The following MAP1B variants were observed in gnomAD, a reference collection of about 807,000 sequenced individuals.
MAP1B encodes microtubule associated protein 1B.
Under a neutral mutation model 176.1 loss-of-function variants are expected in MAP1B, and 12 were observed. That is an observed-to-expected ratio of 0.07 (90% CI 0.04 to 0.11). MAP1B has a LOEUF of 0.11. MAP1B is among the 10% of genes least tolerant of loss of function. MAP1B has a pLI of 1.00. For synonymous variants in MAP1B, 1,044 were observed against 1,135.0 expected, an observed-to-expected ratio of 0.92 and a Z score of 1.61; for missense variants, 2,523 against 2,990.5, an observed-to-expected ratio of 0.84 and a Z score of 3.65.
chr5:72,149,525 A>G (rs1746104105), intron 2 of MAP1B, among the ~76,000 whole-genome samples: 1 of 152,246 alleles, frequency 6.6e-6, no homozygotes, highest in South Asian at 2.1e-4. Flanking sequence ...AAAGATCACT[A>G]GCTCATTAGT....
chr5:72,127,100 A>C (rs1745644298), intron 2 of MAP1B, among the ~76,000 whole-genome samples: 1 of 152,216 alleles, frequency 6.6e-6, no homozygotes, highest in Admixed American at 6.5e-5. Context: ...ATTGAACCTC[A>C]AGAGTTCTAG....
At chr5:72,191,825 G>A (rs1034741104) in intron 4 of MAP1B, among the ~76,000 whole-genome samples, 1 of 152,156 alleles carries the variant, frequency 6.6e-6, no homozygotes, top group Non-Finnish European at 1.5e-5. Context: ...TCAGAATTCT[G>A]TGCAATCTTG....
Position 72,107,493 on chromosome 5 carries a change from C to G in MAP1B, c.-39C>G, listed in dbSNP as rs879880167. The G allele has an allele frequency of 1.3e-6, 2 of 1,508,624 alleles. No homozygotes were observed. Among genetic ancestry groups the G allele is most frequent in the Middle Eastern group, 2.2e-4 (1 of 4,478 alleles). 93.5% of individuals were successfully genotyped at this position (1,508,624 alleles called of 1,614,324 possible). Reference sequence around the variant, plus strand: ...TCCTGCCGCAGTGGAGAGGAGCGGCCGGAGCGAGACACTTCGCCGAGGCAC... The same window carrying G: ...TCCTGCCGCAGTGGAGAGGAGCGGCGGGAGCGAGACACTTCGCCGAGGCAC... On this transcript the variant is annotated 5_prime_UTR_variant, in exon 1 of 7. Transcript: ENST00000296755.
intron 2 of MAP1B, among the ~76,000 whole-genome samples, chr5:72,166,702 TCGCC>T: frequency 6.6e-6 from 1 of 152,336 alleles, no homozygotes; most frequent in South Asian, 2.1e-4. Flanking sequence ...TTATGACTAT[TCGCC>T]GAGGATGTGT....
intron 2 of MAP1B, among the ~76,000 whole-genome samples, chr5:72,118,659 G>A (rs893541116): frequency 7.2e-5 from 11 of 152,106 alleles, no homozygotes; most frequent in Non-Finnish European, 1.6e-4. Flanking sequence ...TGTTGCCCAG[G>A]CTGGTCTTAA....
In MAP1B at chr5:72,186,633, A is replaced by G; in HGVS notation, c.389A>G (p.Asp130Gly). ...VSTEVRLMIT[D>G]AARHKLLVLT... is the part of the protein sequence containing the mutation. The stretch of plus-strand genomic sequence containing the variant: ...TTTCAGGTGCGCTTAATGATCACTG[A>G]TGCTGCCCGACACAAGCTGCTCGTG... Residue 130 changes from aspartate to glycine, a missense_variant, in exon 4 of 7, where the codon GAT (aspartate) becomes GGT (glycine). Physicochemically the swap from Asp to Gly is moderately conservative, Grantham distance 94. Around this residue, in one of 4 missense-constraint regions of MAP1B, gnomAD observed 307 missense variants for 438.4 expected, o/e 0.70. Transcript: ENST00000296755. The surrounding 1 kb of genome is among the most constrained non-coding windows in gnomAD (Gnocchi z 4.3). 6.2e-7 allele frequency: 1 copy of G among 1,614,174 alleles called. No homozygotes were observed. The highest frequency in any genetic ancestry group is 1.1e-5 in the South Asian group (1 of 91,082).
intron 2 of MAP1B, among the ~76,000 whole-genome samples, chr5:72,143,361 C>T (rs866477673): frequency 6.6e-6 from 1 of 152,104 alleles, no homozygotes; most frequent in African/African-American, 2.4e-5. Context: ...TGTTTAAGTA[C>T]CCTCAACAGA....
At chr5:72,158,423 G>A (rs1027146019) in intron 2 of MAP1B, among the ~76,000 whole-genome samples, 2 of 152,136 alleles carry the variant, frequency 1.3e-5, no homozygotes, top group Non-Finnish European at 2.9e-5. Flanking sequence ...TTCATACAAC[G>A]ATTTAGGTGA....
chr5:72,165,341 A>G (rs878944438), intron 2 of MAP1B, among the ~76,000 whole-genome samples: 3 of 152,372 alleles, frequency 2.0e-5, no homozygotes, highest in South Asian at 2.1e-4. Flanking sequence ...TTCCTAATAT[A>G]TATTTGTCAA....
At chr5:72,123,648 C>G (rs1408745414) in intron 2 of MAP1B, among the ~76,000 whole-genome samples, 1 of 152,118 alleles carries the variant, frequency 6.6e-6, no homozygotes, top group Non-Finnish European at 1.5e-5. Context: ...CGACGCCCGG[C>G]TAATTTTTTG....
chr5:72,150,696 G>A (rs757897357), intron 2 of MAP1B, among the ~76,000 whole-genome samples: 3 of 151,968 alleles, frequency 2.0e-5, no homozygotes, highest in African/African-American at 4.8e-5. Flanking sequence ...TGTTCCCCTC[G>A]ATGTGTCCAT....
At chr5:72,123,958 G>T (rs1241921279) in intron 2 of MAP1B, among the ~76,000 whole-genome samples, 3 of 152,198 alleles carry the variant, frequency 2.0e-5, no homozygotes, top group Admixed American at 2.0e-4. Flanking sequence ...TGCGAACTGT[G>T]TATATGTGTC....
At chr5:72,134,410 T>G (rs4463167) in intron 2 of MAP1B, among the ~76,000 whole-genome samples, 36 of 152,302 alleles carry the variant, frequency 2.4e-4, no homozygotes, top group African/African-American at 8.2e-4. Context: ...CTTGTAATTA[T>G]AGCAGACATT....
At chr5:72,185,058 C>A (rs1746864239) in intron 3 of MAP1B, among the ~76,000 whole-genome samples, 1 of 152,202 alleles carries the variant, frequency 6.6e-6, no homozygotes, top group African/African-American at 2.4e-5. Context: ...TAATGATATA[C>A]TATGTGGCCT....
intron 2 of MAP1B, among the ~76,000 whole-genome samples, chr5:72,122,259 C>T (rs1258462806): frequency 1.3e-5 from 2 of 152,010 alleles, no homozygotes; most frequent in Non-Finnish European, 2.9e-5. Flanking sequence ...ACAGAGTGAT[C>T]GGCAGCTCCT....
At chr5:72,152,311 T>C (rs1746155290) in intron 2 of MAP1B, among the ~76,000 whole-genome samples, 1 of 152,148 alleles carries the variant, frequency 6.6e-6, no homozygotes, top group Admixed American at 6.5e-5. Flanking sequence ...ATAAATGGGA[T>C]TCCTTGTTCT....
intron 5 of MAP1B, among the ~76,000 whole-genome samples, chr5:72,201,616 C>T (rs1427291428): frequency 1.3e-5 from 2 of 152,296 alleles, no homozygotes; most frequent in East Asian, 3.9e-4. Flanking sequence ...ATTTTTAGAT[C>T]ACAATTCACA....
chr5:72,108,064 A>T (rs938785790), intron 1 of MAP1B, among the ~76,000 whole-genome samples: 1 of 152,224 alleles, frequency 6.6e-6, no homozygotes, highest in African/African-American at 2.4e-5. Context: ...GGTGGGGGAG[A>T]CCTGATGCAA....
Position 72,203,725 on chromosome 5 carries a change from C to A in MAP1B, c.7175C>A (p.Pro2392His). Reference sequence around the variant, plus strand: ...TACTACGTGGTGAGTGGGAATGACCCTGCTGCTGAGGAGCCCAGCCGGGCT... The same window carrying A: ...TACTACGTGGTGAGTGGGAATGACCATGCTGCTGAGGAGCCCAGCCGGGCT... ...SSYYVVSGND[P>H]AAEEPSRAVL... The change falls in exon 6 of 7, where the codon CCT becomes CAT. Residue 2392 changes from proline (P) to histidine (H), a missense_variant. Pro to His is a moderately conservative substitution (Grantham distance 77). Coordinates refer to ENST00000296755, the MANE Select transcript of MAP1B (RefSeq NM_005909.5). The A allele has an allele frequency of 6.2e-7, 1 of 1,613,924 alleles. No homozygotes were observed. Among genetic ancestry groups the A allele is most frequent in the Non-Finnish European group, 8.5e-7 (1 of 1,179,994 alleles).
Sources: gnomAD v4.1 joint callset for allele counts (sites outside exome capture counted in the v4.1 genomes callset) on GRCh38, gnomAD v4.1.1 for gene constraint, gnomAD v4.1.1 regional missense constraint, Gnocchi (gnomAD v3.1) non-coding constraint, MANE v1.5 for transcripts, NCBI Gene and HGNC (gene_info 2026-07-23, HGNC 2026-07-21) for gene names.